The following POFUT3 variants were observed in gnomAD, a reference collection of about 807,000 sequenced individuals.
POFUT3 encodes the protein protein O-fucosyltransferase 3.
the POFUT3 span, among the ~76,000 whole-genome samples, chr8:33,455,556 T>C: frequency 6.6e-6 from 1 of 152,208 alleles, no homozygotes; most frequent in African/African-American, 2.4e-5. Context: ...TTAATATAAT[T>C]GATATGGCAC....
chr8:33,403,149 GGAAAGGGGGTAGAAA>G, the POFUT3 span, among the ~76,000 whole-genome samples: 2 of 151,894 alleles, frequency 1.3e-5, no homozygotes, highest in African/African-American at 4.8e-5. Flanking sequence ...CATAAAAGAA[GGAAAGGGGGTAGAAA>G]GAAAGAGGAA....
chr8:33,389,794 A>G, the POFUT3 span: 21 of 1,598,084 alleles, frequency 1.3e-5, no homozygotes, highest in Admixed American at 3.6e-4. Flanking sequence ...TGTTAAAGTC[A>G]GTACCTAGGA....
At chr8:33,325,900 A>G in the POFUT3 span, among the ~76,000 whole-genome samples, 1 of 152,110 alleles carries the variant, frequency 6.6e-6, no homozygotes, top group Non-Finnish European at 1.5e-5. Flanking sequence ...GAAGGGTTCC[A>G]CTATCTGTAC....
the POFUT3 span, among the ~76,000 whole-genome samples, chr8:33,355,335 T>C: frequency 6.6e-6 from 1 of 152,094 alleles, no homozygotes; most frequent in Non-Finnish European, 1.5e-5. Context: ...GTTATAAGAG[T>C]ACAACTGGAT....
the POFUT3 span, among the ~76,000 whole-genome samples, chr8:33,349,963 A>G: frequency 6.6e-6 from 1 of 152,116 alleles, no homozygotes; most frequent in Non-Finnish European, 1.5e-5. Flanking sequence ...TAATTTTTAA[A>G]TTATGGTAAA....
At chr8:33,352,691 C>T in the POFUT3 span, among the ~76,000 whole-genome samples, 2 of 152,102 alleles carry the variant, frequency 1.3e-5, no homozygotes, top group Admixed American at 6.6e-5. Context: ...AACAAAGGGA[C>T]ACGAATGGAC....
At chr8:33,370,162 T>A in the POFUT3 span, among the ~76,000 whole-genome samples, 4 of 90,410 alleles carry the variant, frequency 4.4e-5, no homozygotes, top group East Asian at 4.5e-4. Flanking sequence ...TGAAACCCCA[T>A]CTTTACTAAA....
the POFUT3 span, among the ~76,000 whole-genome samples, chr8:33,420,593 G>A: frequency 6.6e-6 from 1 of 152,078 alleles, no homozygotes; most frequent in African/African-American, 2.4e-5. Flanking sequence ...AATAAAATTG[G>A]ACTACATTAG....
chr8:33,416,323 C>T, the POFUT3 span, among the ~76,000 whole-genome samples: 1,991 of 152,288 alleles, frequency 0.013, 36 homozygotes, highest in African/African-American at 0.046. Context: ...ATAGTATGGG[C>T]CAGGTGCAGT....
chr8:33,309,956 C>T, the POFUT3 span, among the ~76,000 whole-genome samples: 3 of 152,292 alleles, frequency 2.0e-5, no homozygotes, highest in African/African-American at 4.8e-5. Context: ...GCTGAATTTC[C>T]AACCCCCGTG....
chr8:33,455,810 C>T, the POFUT3 span: 4 of 456,014 alleles, frequency 8.8e-6, no homozygotes, highest in African/African-American at 2.0e-5. Flanking sequence ...AGATAAAGGC[C>T]GCTGATCATT....
the POFUT3 span, among the ~76,000 whole-genome samples, chr8:33,320,501 A>C: frequency 6.6e-6 from 1 of 152,072 alleles, no homozygotes; most frequent in Non-Finnish European, 1.5e-5. Flanking sequence ...CTATTGCAGC[A>C]CAATAAACTA....
the POFUT3 span, among the ~76,000 whole-genome samples, chr8:33,327,349 A>G: frequency 6.6e-6 from 1 of 152,166 alleles, no homozygotes; most frequent in South Asian, 2.1e-4. Context: ...CACCATTTTC[A>G]TAATACTTTT....
the POFUT3 span, among the ~76,000 whole-genome samples, chr8:33,385,634 C>T: frequency 6.6e-6 from 1 of 151,738 alleles, no homozygotes; most frequent in Non-Finnish European, 1.5e-5. Context: ...GTAATCCTGG[C>T]ACTTTGGGAG....
the POFUT3 span, among the ~76,000 whole-genome samples, chr8:33,330,706 T>C: frequency 6.6e-6 from 1 of 152,152 alleles, no homozygotes; most frequent in African/African-American, 2.4e-5. Flanking sequence ...TAAATGTAAT[T>C]GTAGTTCATA....
At chr8:33,453,707 G>T in the POFUT3 span, among the ~76,000 whole-genome samples, 1 of 152,038 alleles carries the variant, frequency 6.6e-6, no homozygotes, top group South Asian at 2.1e-4. Flanking sequence ...CGTCGTCAGG[G>T]GGGCAAGGTG....
chr8:33,413,020 C>CCA, the POFUT3 span, among the ~76,000 whole-genome samples: 1 of 74,094 alleles, frequency 1.3e-5, no homozygotes, highest in African/African-American at 5.1e-5. Context: ...CACAAACACA[C>CCA]AAAACTTCAC....
At chr8:33,422,216 A>G in the POFUT3 span, among the ~76,000 whole-genome samples, 1 of 150,876 alleles carries the variant, frequency 6.6e-6, no homozygotes, top group Admixed American at 6.7e-5. Flanking sequence ...ATAACAGAGG[A>G]AGTGCGCCTT....
chr8:33,325,051 A>T, the POFUT3 span, among the ~76,000 whole-genome samples: 1 of 152,220 alleles, frequency 6.6e-6, no homozygotes, highest in Non-Finnish European at 1.5e-5. Context: ...AAATACTTTA[A>T]TGGCTTTTTT....
Sources: allele counts gnomAD v4.1 joint callset (sites outside exome capture counted in the v4.1 genomes callset), GRCh38; gene constraint gnomAD v4.1.1; transcripts MANE v1.5; gene names NCBI Gene and HGNC (gene_info 2026-07-23, HGNC 2026-07-21).